Variants in RAP1GAP2 observed in about 807,000 individuals in gnomAD.
RAP1GAP2 encodes RAP1 GTPase activating protein 2, also known as rap1 GTPase-activating protein 2.
RAP1GAP2 carries 27 observed loss-of-function variants against 95.0 expected under a neutral mutation model. The observed-to-expected ratio is 0.28, with a 90% CI of 0.21 to 0.39. The LOEUF is 0.39. Ranked by LOEUF, RAP1GAP2 falls within the 10% of genes least tolerant of loss-of-function variation. RAP1GAP2 has a pLI of 1.00. For synonymous variants in RAP1GAP2, 373 were observed against 380.9 expected (o/e 0.98, Z 0.24); for missense variants, 771 against 970.0 (o/e 0.79, Z 2.72).
chr17:2,974,248 C>T (rs1416461897), intron 8 of RAP1GAP2, among the ~76,000 whole-genome samples: 1 of 151,036 alleles, frequency 6.6e-6, no homozygotes, highest in Non-Finnish European at 1.5e-5. Context: ...ACTTGGGAGG[C>T]TGAGGCAGGA....
At chr17:2,976,197 C>T (rs531398667) in intron 8 of RAP1GAP2, among the ~76,000 whole-genome samples, 202 of 152,264 alleles carry the variant, frequency 1.3e-3, no homozygotes, top group African/African-American at 4.6e-3. Context: ...AATTGTGAGG[C>T]TATGGAAGAC....
chr17:2,914,779 T>C (rs1253613433), intron 3 of RAP1GAP2, among the ~76,000 whole-genome samples: 5 of 147,908 alleles, frequency 3.4e-5, no homozygotes, highest in Admixed American at 2.0e-4. Context: ...TGCGAGCCAC[T>C]GTGCCCGGCC....
chr17:2,892,238 T>G (rs555094404), intron 2 of RAP1GAP2, among the ~76,000 whole-genome samples: 3 of 152,216 alleles, frequency 2.0e-5, no homozygotes, highest in Non-Finnish European at 4.4e-5. Context: ...GGGATGGATC[T>G]TGTGTCTTTA....
intron 23 of RAP1GAP2, among the ~76,000 whole-genome samples, chr17:3,031,902 A>T (rs945146011): frequency 9.1e-6 from 1 of 110,384 alleles, no homozygotes; most frequent in Non-Finnish European, 1.9e-5. Flanking sequence ...TGGGTCCCGA[A>T]TCCCTTCCTG....
At chr17:2,895,466 G>A (rs2041787717) in intron 2 of RAP1GAP2, among the ~76,000 whole-genome samples, 1 of 152,190 alleles carries the variant, frequency 6.6e-6, no homozygotes, top group African/African-American at 2.4e-5. Context: ...TGCTGTAAAA[G>A]GGGTTAATAC....
intron 4 of RAP1GAP2, among the ~76,000 whole-genome samples, chr17:2,960,916 A>T (rs1165110532): frequency 6.6e-6 from 1 of 152,232 alleles, no homozygotes; most frequent in Non-Finnish European, 1.5e-5. Context: ...GAACTCAGTG[A>T]TAGAACTGCT....
chr17:2,955,390 C>G (rs1306448978), intron 3 of RAP1GAP2, among the ~76,000 whole-genome samples: 3 of 152,118 alleles, frequency 2.0e-5, no homozygotes. Flanking sequence ...GCTTGAGTGT[C>G]TTTTCATGTA....
At chr17:2,817,325 T>C (rs1474214111) in intron 2 of RAP1GAP2, among the ~76,000 whole-genome samples, 1 of 121,020 alleles carries the variant, frequency 8.3e-6, no homozygotes, top group East Asian at 2.3e-4. Context: ...GACTGAATAA[T>C]ATCCCATTGT....
At chr17:2,815,120 T>C (rs2151506508) in intron 2 of RAP1GAP2, among the ~76,000 whole-genome samples, 1 of 152,302 alleles carries the variant, frequency 6.6e-6, no homozygotes, top group Non-Finnish European at 1.5e-5. Context: ...TTGGGGATTC[T>C]GCCTCATCAG....
intron 3 of RAP1GAP2, among the ~76,000 whole-genome samples, chr17:2,925,860 C>T (rs2042939921): frequency 6.6e-6 from 1 of 152,194 alleles, no homozygotes; most frequent in Non-Finnish European, 1.5e-5. Flanking sequence ...CTGGTCAGGC[C>T]AGGCCCGGTG....
intron 2 of RAP1GAP2, among the ~76,000 whole-genome samples, chr17:2,889,883 A>ATT (rs1377987168): frequency 2.9e-5 from 2 of 69,742 alleles, no homozygotes; most frequent in African/African-American, 1.3e-4. Flanking sequence ...ATATATATAT[A>ATT]TATATATTTT....
upstream of RAP1GAP2, among the ~76,000 whole-genome samples, chr17:2,772,539 C>T (rs1314033739): frequency 2.0e-5 from 3 of 152,138 alleles, no homozygotes; most frequent in Non-Finnish European, 2.9e-5. Flanking sequence ...AAGCCATTCT[C>T]CTGCCTCTGC....
intron 3 of RAP1GAP2, among the ~76,000 whole-genome samples, chr17:2,913,139 C>T (rs1012628774): frequency 1.3e-5 from 2 of 152,102 alleles, no homozygotes; most frequent in African/African-American, 2.4e-5. Flanking sequence ...GATTGCACCA[C>T]TGCACTCTAG....
At chr17:2,798,977 G>T (rs2069175404) in intron 1 of RAP1GAP2, among the ~76,000 whole-genome samples, 1 of 152,244 alleles carries the variant, frequency 6.6e-6, no homozygotes, top group Non-Finnish European at 1.5e-5. Flanking sequence ...GAACTCTAAT[G>T]GGACACTTCC....
In RAP1GAP2 at chr17:3,005,049, G is replaced by A. The variant is rs1004634071; in HGVS notation, c.1201-320G>A. Among the ~76,000 whole-genome samples, 3 of 152,072 alleles carry A rather than the reference G, an allele frequency of 2.0e-5. No individual in the cohort carries two copies. The highest frequency in any genetic ancestry group is 7.2e-5 in the African/African-American group (3 of 41,402). On this transcript the variant is annotated intron_variant, in intron 14 of 24. Transcript: ENST00000254695. This position sits in a 1 kb window ranked among gnomAD's most constrained non-coding sequence, Gnocchi z 5.2. The stretch of plus-strand genomic sequence containing the variant: ...TCTCAGTAGGATTAGCGTCACGGTC[G>A]AATGAGGTCACGAGATGCCATCTCC...
intron 2 of RAP1GAP2, among the ~76,000 whole-genome samples, chr17:2,829,086 G>A (rs891617042): frequency 6.9e-6 from 1 of 144,496 alleles, no homozygotes; most frequent in Non-Finnish European, 1.5e-5. Flanking sequence ...AGGTTCAAGC[G>A]ATTCTCCTGC....
At chr17:2,808,388 C>T (rs1597348056) in intron 2 of RAP1GAP2, among the ~76,000 whole-genome samples, 2 of 151,994 alleles carry the variant, frequency 1.3e-5, no homozygotes, top group African/African-American at 2.4e-5. Flanking sequence ...GCAGTTTGGG[C>T]GGGGAAGGAG....
In RAP1GAP2 at chr17:2,817,665, C is replaced by T. The variant is rs2070081628; in HGVS notation, c.80+17115C>T. ...CCTCCCAAGTAGCTGGGATCACAGGCGCCTGCCACCACACACGGCTAAATT... is the reference window on the plus strand; with the variant it reads ...CCTCCCAAGTAGCTGGGATCACAGGTGCCTGCCACCACACACGGCTAAATT... On this transcript the variant is annotated intron_variant, in intron 2 of 24. Coordinates refer to ENST00000254695, the MANE Select transcript of RAP1GAP2 (RefSeq NM_015085.5). Among the ~76,000 whole-genome samples the T allele has an allele frequency of 1.1e-4, 13 of 113,970 alleles. 2 individuals are homozygous for T. The South Asian group carries it at 3.6e-3, about 31-fold the overall frequency. The allele number at this position is 113,970 out of a possible 152,430, so 74.8% of individuals were successfully genotyped here.
intron 1 of RAP1GAP2, among the ~76,000 whole-genome samples, chr17:2,780,562 C>A (rs1006759479): frequency 1.3e-5 from 2 of 152,192 alleles, no homozygotes; most frequent in African/African-American, 4.8e-5. Context: ...TGCACCCCCC[C>A]CAGGAGAGGT....
Sources: allele counts gnomAD v4.1 joint callset (sites outside exome capture counted in the v4.1 genomes callset), GRCh38; gene constraint gnomAD v4.1.1; non-coding constraint Gnocchi (gnomAD v3.1); transcripts MANE v1.5; gene names NCBI Gene and HGNC (gene_info 2026-07-23, HGNC 2026-07-21).